Variants in GREB1L observed in about 807,000 individuals in gnomAD.
GREB1L encodes GREB1-like protein.
GREB1L carries 17 observed loss-of-function variants against 200.8 expected under a neutral mutation model. That is an observed-to-expected ratio of 0.08 (90% CI 0.06 to 0.13). The LOEUF is 0.13. Ranked by LOEUF, GREB1L falls within the 10% of genes least tolerant of loss-of-function variation. The probability of loss-of-function intolerance (pLI) is 1.00; values close to 1 mark genes in which losing one functional copy is unlikely to be tolerated. For synonymous variants in GREB1L, 789 were observed against 893.0 expected, an observed-to-expected ratio of 0.88 and a Z score of 2.08; for missense variants, 1,657 against 2,367.7, an observed-to-expected ratio of 0.70 and a Z score of 6.23.
intron 18 of GREB1L, among the ~76,000 whole-genome samples, chr18:21,487,812 C>A (rs1480092744): frequency 6.8e-6 from 1 of 146,130 alleles, no homozygotes; most frequent in South Asian, 2.2e-4. Context: ...ACCAGCCTGG[C>A]CAACGTGGTA....
intron 1 of GREB1L, among the ~76,000 whole-genome samples, chr18:21,262,019 A>C (rs1172852023): frequency 1.6e-4 from 25 of 152,068 alleles, no homozygotes; most frequent in Admixed American, 1.6e-3. Context: ...ATTTGCTTTA[A>C]ATTAATAGTT....
intron 1 of GREB1L, among the ~76,000 whole-genome samples, chr18:21,335,929 C>A (rs1032172349): frequency 6.6e-5 from 10 of 152,126 alleles, no homozygotes; most frequent in African/African-American, 2.4e-4. Context: ...TCCCAAAGTG[C>A]TGGGATTACA....
At position 21,518,184 on chromosome 18, in the gene GREB1L, T is replaced by G; in HGVS notation, c.5422T>G (p.Phe1808Val). Residue 1808 changes from phenylalanine (F) to valine (V), a missense_variant, in exon 31 of 33, where the codon TTC becomes GTC. Transcript: ENST00000424526. ...ACTCTTCCCCAAAGCCATCCATAAC[T>G]TCAGGAGTCCTGTGCTGGCCATTGA... ...YKLFPKAIHNFRSPVLAIDCY... is the reference protein window; with the variant it reads ...YKLFPKAIHNVRSPVLAIDCY... 1.9e-6 allele frequency: 3 copies of G among 1,551,672 alleles called. No homozygotes were observed. Among genetic ancestry groups the G allele is most frequent in the Non-Finnish European group, 2.6e-6 (3 of 1,146,992 alleles).
rs182976907 is a variant in GREB1L at position 21,280,447 on chromosome 18, C to T, written c.-120+38054C>T. Among the ~76,000 whole-genome samples the T allele has an allele frequency of 6.7e-4, 101 of 149,718 alleles. 1 individual carries two copies. The highest frequency in any genetic ancestry group is 6.9e-3 in the Middle Eastern group (2 of 288). On this transcript the variant is annotated intron_variant, in intron 1 of 32. Transcript: ENST00000424526. ...ATGGTGTGGATGTACCACAGTTTAC[C>T]TATTCACCTTTTGAAGAACATCTTG... is the stretch of plus-strand genomic sequence containing the variant.
chr18:21,475,652 G>A (rs1327400006), intron 16 of GREB1L, among the ~76,000 whole-genome samples: 1 of 151,932 alleles, frequency 6.6e-6, no homozygotes, highest in Non-Finnish European at 1.5e-5. Context: ...CACCATGCCT[G>A]GCCTGGATGA....
At chr18:21,346,319 CTG>C (rs1567945487) in intron 1 of GREB1L, among the ~76,000 whole-genome samples, 1 of 152,128 alleles carries the variant, frequency 6.6e-6, no homozygotes, top group Non-Finnish European at 1.5e-5. Context: ...TCCCTGCATC[CTG>C]TTTTACTTCC....
rs2041014360 is a variant in GREB1L at position 21,395,438 on chromosome 18, A to C, written c.409A>C (p.Ile137Leu). Residue 137 changes from isoleucine to leucine, a missense_variant, in exon 5 of 33, where the codon ATT (isoleucine) becomes CTT (leucine). Around this residue, in one of 9 missense-constraint regions of GREB1L, gnomAD observed 70 missense variants for 151.3 expected, o/e 0.46. Transcript: ENST00000424526. ...TTTGGTATCACTGTGTATGGAACAA[A>C]TTGACATCCCAGCAGGATTCCTCCT... ...LRLVSLCMEQ[I>L]DIPAGFLLVG... 1 of 1,551,406 alleles carries C rather than the reference A, an allele frequency of 6.4e-7. No individual in the cohort carries two copies. The highest frequency in any genetic ancestry group is 8.7e-7 in the Non-Finnish European group (1 of 1,146,848).
At chr18:21,367,317 A>G (rs983419625) in intron 2 of GREB1L, among the ~76,000 whole-genome samples, 1 of 152,220 alleles carries the variant, frequency 6.6e-6, no homozygotes, top group Non-Finnish European at 1.5e-5. Flanking sequence ...TATAAGAGTC[A>G]ATATAGGTCT....
intron 1 of GREB1L, among the ~76,000 whole-genome samples, chr18:21,287,483 A>T (rs2144535274): frequency 6.6e-6 from 1 of 152,308 alleles, no homozygotes; most frequent in Middle Eastern, 3.4e-3. Context: ...AAAGAAGATC[A>T]TCGGAAGAAT....
chr18:21,287,509 CAT>C (rs949952517), intron 1 of GREB1L, among the ~76,000 whole-genome samples: 6 of 152,134 alleles, frequency 3.9e-5, no homozygotes, highest in African/African-American at 9.7e-5. Flanking sequence ...ATTTTTCTTA[CAT>C]GTTACTAAAA....
chr18:21,335,541 T>G (rs2039171543), intron 1 of GREB1L, among the ~76,000 whole-genome samples: 1 of 152,230 alleles, frequency 6.6e-6, no homozygotes, highest in Non-Finnish European at 1.5e-5. Flanking sequence ...TCACACTGCT[T>G]CTTATACACA....
chr18:21,383,283 T>G (rs2040398693), intron 2 of GREB1L, among the ~76,000 whole-genome samples: 1 of 152,066 alleles, frequency 6.6e-6, no homozygotes, highest in Non-Finnish European at 1.5e-5. Context: ...ACAAAATCCC[T>G]CAAAGGGGCT....
intron 1 of GREB1L, among the ~76,000 whole-genome samples, chr18:21,328,772 CA>C (rs531962526): frequency 6.6e-6 from 1 of 151,872 alleles, no homozygotes; most frequent in African/African-American, 2.4e-5. Flanking sequence ...TTGTATGAAT[CA>C]GGGGGAAAGG....
At chr18:21,317,312 G>A (rs887617523) in intron 1 of GREB1L, 5 of 152,044 alleles carry the variant, frequency 3.3e-5, no homozygotes, top group African/African-American at 1.2e-4. Context: ...ATAAGTTTGT[G>A]ATTGTAGGCC....
intron 7 of GREB1L, among the ~76,000 whole-genome samples, chr18:21,414,668 A>G (rs990003590): frequency 6.6e-6 from 1 of 152,152 alleles, no homozygotes; most frequent in African/African-American, 2.4e-5. Flanking sequence ...ATTGAGCTCT[A>G]CCTAGAGTTC....
At chr18:21,444,431 T>C in intron 11 of GREB1L, 22 bp downstream of exon 11, 1 of 1,533,486 alleles carries the variant, frequency 6.5e-7, no homozygotes, top group South Asian at 1.2e-5. Context: ...TCCATAATCA[T>C]TTGCTGGTGA....
Position 21,495,659 on chromosome 18 carries a change from T to G in GREB1L, c.3031-11T>G. 1 of 1,363,784 alleles carries G rather than the reference T, an allele frequency of 7.3e-7. No homozygotes were observed. Among genetic ancestry groups the G allele is most frequent in the Non-Finnish European group, 1.0e-6 (1 of 984,274 alleles). The allele number at this position is 1,363,784 out of a possible 1,614,324, so 84.5% of individuals were successfully genotyped here. A position where few individuals can be genotyped will look rare whatever the true frequency, so the allele number is the denominator to read the frequency against. On this transcript the variant is annotated splice_polypyrimidine_tract_variant and intron_variant, in intron 19 of 32. Coordinates refer to ENST00000424526, the MANE Select transcript of GREB1L (RefSeq NM_001142966.3). ...GAGTTTTAATTTTAACATACGGGTCTCTTTCTGTAGAGTTGGAGAGGAAAT... is the reference window on the plus strand; with the variant it reads ...GAGTTTTAATTTTAACATACGGGTCGCTTTCTGTAGAGTTGGAGAGGAAAT...
At chr18:21,450,527 C>T (rs1422858322) in intron 12 of GREB1L, 1 of 153,006 alleles carries the variant, frequency 6.5e-6, no homozygotes, top group Non-Finnish European at 1.5e-5. Flanking sequence ...CAGTGTGATA[C>T]ATTAATATTT....
chr18:21,280,395 T>C (rs958980943), intron 1 of GREB1L, among the ~76,000 whole-genome samples: 49 of 151,916 alleles, frequency 3.2e-4, no homozygotes, highest in South Asian at 4.1e-4. Context: ...TTCTTTCTTT[T>C]TTTTTTTTTT....
Sources: gnomAD v4.1 joint callset for allele counts (sites outside exome capture counted in the v4.1 genomes callset) on GRCh38, gnomAD v4.1.1 for gene constraint, gnomAD v4.1.1 regional missense constraint, MANE v1.5 for transcripts, NCBI Gene and HGNC (gene_info 2026-07-23, HGNC 2026-07-21) for gene names.